Variants in MAP3K5 observed in about 807,000 individuals in gnomAD.
The protein encoded by MAP3K5 is mitogen-activated protein kinase kinase kinase 5, also known as ASK-1.
In MAP3K5, 56 loss-of-function variants were observed where a neutral mutation model predicts 158.7. The observed-to-expected ratio is 0.35, with a 90% CI of 0.28 to 0.44. MAP3K5 has a LOEUF of 0.44. MAP3K5 is among the 20% of genes least tolerant of loss of function. The pLI is 1.00. For missense variants in MAP3K5, 1,294 were observed against 1,674.8 expected, an observed-to-expected ratio of 0.77 and a Z score of 3.97; for synonymous variants, 579 against 601.7, an observed-to-expected ratio of 0.96 and a Z score of 0.55.
chr6:136,649,224 C>T (rs1401252801), intron 11 of MAP3K5, among the ~76,000 whole-genome samples: 1 of 152,164 alleles, frequency 6.6e-6, no homozygotes, highest in Non-Finnish European at 1.5e-5. Flanking sequence ...CCCACCTTGG[C>T]CTCCCAAAGT....
At chr6:136,576,999 C>A (rs1774650861) in intron 25 of MAP3K5, among the ~76,000 whole-genome samples, 1 of 151,904 alleles carries the variant, frequency 6.6e-6, no homozygotes, top group African/African-American at 2.4e-5. Flanking sequence ...TTGTGTAAGT[C>A]CACTCTAGGA....
chr6:136,679,347 G>A (rs1436359990), intron 7 of MAP3K5, among the ~76,000 whole-genome samples: 1 of 152,186 alleles, frequency 6.6e-6, no homozygotes, highest in South Asian at 2.1e-4. Flanking sequence ...CTGAGCTCAA[G>A]TCAAGTTCTT....
Position 136,792,369 on chromosome 6 carries a change from G to A in MAP3K5, c.-212C>T, listed in dbSNP as rs1449357884. The A allele has an allele frequency of 2.0e-6, 2 of 1,000,254 alleles. No homozygotes were observed. Among genetic ancestry groups the A allele is most frequent in the Non-Finnish European group, 2.4e-6 (2 of 841,200 alleles). 62.0% of individuals were successfully genotyped at this position (1,000,254 alleles called of 1,614,324 possible). On this transcript the variant is annotated 5_prime_UTR_variant, in exon 1 of 30. In the 5' UTR this introduces an upstream ATG that the reference lacks. Transcript: ENST00000359015. The surrounding 1 kb of genome is among the most constrained non-coding windows in gnomAD (Gnocchi z 5.7). The stretch of plus-strand genomic sequence containing the variant: ...CGGCTCGCTCCTCCTCGGCGCCTCC[G>A]TGGCCGCGCCGCTCGCCCTCTGCAG...
chr6:136,567,569 A>G (rs937993613), intron 26 of MAP3K5, 62 bp downstream of exon 26: 4 of 1,515,630 alleles, frequency 2.6e-6, no homozygotes. Flanking sequence ...GTAGACCAAA[A>G]ACACATGCTC....
At chr6:136,788,609 CAGA>C (rs745995963) in intron 1 of MAP3K5, among the ~76,000 whole-genome samples, 9 of 152,160 alleles carry the variant, frequency 5.9e-5, no homozygotes, top group African/African-American at 2.2e-4. Context: ...AGACACTTCT[CAGA>C]AGAAGGCATA....
At chr6:136,671,790 A>ATTT (rs566616523) in intron 7 of MAP3K5, among the ~76,000 whole-genome samples, 2 of 137,008 alleles carry the variant, frequency 1.5e-5, no homozygotes, top group Non-Finnish European at 3.2e-5. Context: ...ATTTTTTTGT[A>ATTT]TTTTTTTTTT....
chr6:136,694,779 C>T (rs1473977917), intron 6 of MAP3K5, among the ~76,000 whole-genome samples: 1 of 152,196 alleles, frequency 6.6e-6, no homozygotes, highest in Non-Finnish European at 1.5e-5. Context: ...CCAAGAACTG[C>T]TTGATTTCTA....
intron 4 of MAP3K5, among the ~76,000 whole-genome samples, chr6:136,698,066 A>G (rs17065587): frequency 0.019 from 2,914 of 152,322 alleles, 95 homozygotes; most frequent in African/African-American, 0.067. Flanking sequence ...TGATTTGAAC[A>G]TAATATAACC....
chr6:136,616,633 G>A (rs1776577329), intron 15 of MAP3K5, among the ~76,000 whole-genome samples: 1 of 151,580 alleles, frequency 6.6e-6, no homozygotes, highest in African/African-American at 2.4e-5. Context: ...ATAGATTAGT[G>A]GCAAATACTG....
intron 7 of MAP3K5, among the ~76,000 whole-genome samples, chr6:136,681,063 A>G (rs1164710378): frequency 6.6e-6 from 1 of 152,220 alleles, no homozygotes; most frequent in Non-Finnish European, 1.5e-5. Flanking sequence ...CCACGAAAGC[A>G]GAATCTTCCA....
chr6:136,566,117 C>G (rs1026409401), intron 26 of MAP3K5, among the ~76,000 whole-genome samples: 1 of 151,150 alleles, frequency 6.6e-6, no homozygotes, highest in South Asian at 2.1e-4. Flanking sequence ...GCAGATGGCC[C>G]AAGCATGGTA....
intron 1 of MAP3K5, among the ~76,000 whole-genome samples, chr6:136,748,048 A>G (rs1783038926): frequency 6.6e-6 from 1 of 152,196 alleles, no homozygotes; most frequent in African/African-American, 2.4e-5. Context: ...AAAAAAAACA[A>G]AATTTCCATT....
intron 2 of MAP3K5, among the ~76,000 whole-genome samples, chr6:136,707,911 T>C (rs182280228): frequency 3.9e-5 from 6 of 152,302 alleles, no homozygotes; most frequent in African/African-American, 1.2e-4. Flanking sequence ...AATGAAGTGA[T>C]AGAGAAGGAT....
intron 14 of MAP3K5, among the ~76,000 whole-genome samples, chr6:136,632,612 T>C (rs1335506711): frequency 6.6e-6 from 1 of 152,080 alleles, no homozygotes; most frequent in Admixed American, 6.5e-5. Flanking sequence ...AGACAAAGCA[T>C]GAGACATGTT....
At chr6:136,577,295 ATCACT>A (rs1265967142) in intron 25 of MAP3K5, among the ~76,000 whole-genome samples, 4 of 152,228 alleles carry the variant, frequency 2.6e-5, no homozygotes, top group Non-Finnish European at 5.9e-5. Context: ...AATGACTGAC[ATCACT>A]TCATTTTGTC....
In MAP3K5 at chr6:136,762,223, AAGAG is replaced by A. The variant is rs372750732; in HGVS notation, c.448+29483_448+29486del. Among the ~76,000 whole-genome samples the A allele has an allele frequency of 6.4e-3, 900 of 140,936 alleles. 8 individuals are homozygous for A. Among genetic ancestry groups the A allele is most frequent in the African/African-American group, 0.025 (828 of 32,884 alleles). 92.5% of individuals were successfully genotyped at this position (140,936 alleles called of 152,430 possible). A position where few individuals can be genotyped will look rare whatever the true frequency, so the allele number is the denominator to read the frequency against. On this transcript the variant is annotated intron_variant, in intron 1 of 29. Transcript: ENST00000359015. ...GCCAGGGAAAAATGGGAAGAAAGAG[AAGAG>A]AAGAGAAGAGACAGAGAGGTAAATG...
At chr6:136,785,381 T>C (rs1018978270) in intron 1 of MAP3K5, among the ~76,000 whole-genome samples, 1 of 152,234 alleles carries the variant, frequency 6.6e-6, no homozygotes, top group Admixed American at 6.5e-5. Context: ...TTAACTAGCA[T>C]GTGCTTCCTT....
rs538981560 is a variant in MAP3K5, at chr6:136,631,048, G to A, written c.2016+6277C>T. On this transcript the variant is annotated intron_variant, in intron 14 of 29. Transcript: ENST00000359015. ...CAAGAGATAGAGGCTGCAATGAGCC[G>A]AGATCACACCACTGCACTCCAGCCT... Among the ~76,000 whole-genome samples, 4 of 151,634 alleles carry A rather than the reference G, an allele frequency of 2.6e-5. No homozygotes were observed. In the South Asian group the frequency reaches 6.3e-4, roughly 24 times the overall value.
intron 4 of MAP3K5, 45 bp downstream of exon 4, chr6:136,698,444 A>G (rs1220454893): frequency 1.3e-6 from 2 of 1,513,192 alleles, no homozygotes; most frequent in East Asian, 4.6e-5. Flanking sequence ...ATGTAGAATA[A>G]CACTTTATTG....
Sources: gnomAD v4.1 joint callset for allele counts (sites outside exome capture counted in the v4.1 genomes callset) on GRCh38, gnomAD v4.1.1 for gene constraint, Gnocchi (gnomAD v3.1) non-coding constraint, MANE v1.5 for transcripts, NCBI Gene and HGNC (gene_info 2026-07-23, HGNC 2026-07-21) for gene names.